The following BPTF variants were observed in gnomAD, a reference collection of about 807,000 sequenced individuals.
BPTF encodes bromodomain PHD finger transcription factor.
A neutral mutation model predicts 292.5 loss-of-function variants in BPTF; 18 were observed. The observed-to-expected ratio is 0.06, with a 90% CI of 0.04 to 0.09. The LOEUF is 0.09. Among genes scored for constraint, BPTF ranks in the 10% least tolerant of loss-of-function variants. BPTF has a pLI of 1.00. For synonymous variants in BPTF, 1,225 were observed against 1,251.9 expected (o/e 0.98, Z 0.45); for missense variants, 2,726 against 3,498.7 (o/e 0.78, Z 5.57).
rs1168044161 is a variant in BPTF, at chr17:67,983,850, A to G, written c.*1562A>G. On this transcript the variant is annotated 3_prime_UTR_variant, in exon 28 of 28. Coordinates refer to ENST00000306378, the MANE Select transcript of BPTF (RefSeq NM_182641.4). ...AACCTTTCCCAGACCTCAGTTTCTT[A>G]AAAGAAAGATGTTGCTACAGTTCCC... The G allele has an allele frequency of 1.3e-5, 2 of 152,638 alleles. No individual in the cohort carries two copies. Among genetic ancestry groups the G allele is most frequent in the Non-Finnish European group, 2.9e-5 (2 of 68,046 alleles). 9.5% of individuals were successfully genotyped at this position (152,638 alleles called of 1,614,324 possible). A position where few individuals can be genotyped will look rare whatever the true frequency, so the allele number is the denominator to read the frequency against.
intron 11 of BPTF, among the ~76,000 whole-genome samples, chr17:67,916,447 C>T (rs918340622): frequency 1.3e-5 from 2 of 151,854 alleles, no homozygotes; most frequent in East Asian, 1.9e-4. Context: ...AAAATGAGCC[C>T]GGCGTGGTGG....
At chr17:67,891,320 A>G (rs1224945866) in intron 4 of BPTF, 1 of 152,246 alleles carries the variant, frequency 6.6e-6, no homozygotes, top group African/African-American at 2.4e-5. Context: ...ATAAAAAACT[A>G]ATTTAGTTGA....
rs1467374757 is a variant in BPTF at position 67,928,361 on chromosome 17, C to G, written c.5758C>G (p.Leu1920Val). The G allele has an allele frequency of 6.9e-6, 11 of 1,603,952 alleles. No individual in the cohort carries two copies. The highest frequency in any genetic ancestry group is 9.4e-6 in the Non-Finnish European group (11 of 1,175,928). ...CTCTCCTTCACTTTTTTAGAAACGACTGGAGCAGCAGAAGCCGACAGTGAT... is the reference window on the plus strand; with the variant it reads ...CTCTCCTTCACTTTTTTAGAAACGAGTGGAGCAGCAGAAGCCGACAGTGAT... Reference protein sequence around the residue: ...QAVEQQAKKRLEQQKPTVIAT... With the variant: ...QAVEQQAKKRVEQQKPTVIAT... The change falls in exon 16 of 28, where the codon CTG becomes GTG. Residue 1920 changes from leucine to valine, a missense_variant. Leu to Val is a conservative substitution (Grantham distance 32). Around this residue, in one of 22 missense-constraint regions of BPTF, gnomAD observed 198 missense variants for 277.1 expected, o/e 0.71. Coordinates refer to ENST00000306378, the MANE Select transcript of BPTF (RefSeq NM_182641.4).
chr17:67,869,021 G>T (rs1598342063), intron 3 of BPTF, among the ~76,000 whole-genome samples: 1 of 152,012 alleles, frequency 6.6e-6, no homozygotes, highest in Non-Finnish European at 1.5e-5. Flanking sequence ...GTCTTTGGGG[G>T]ATAAGTAATT....
chr17:67,861,922 C>G (rs16961461), intron 2 of BPTF, among the ~76,000 whole-genome samples: 4,576 of 152,230 alleles, frequency 0.03, 248 homozygotes, highest in African/African-American at 0.1. Context: ...ACCCCTTTTT[C>G]TCTTGCATCG....
chr17:67,884,590 AT>A (rs1226407997), intron 4 of BPTF, among the ~76,000 whole-genome samples: 1 of 151,206 alleles, frequency 6.6e-6, no homozygotes, highest in African/African-American at 2.4e-5. Flanking sequence ...TAATTTTTGT[AT>A]TTTTCGTAGT....
At chr17:67,918,124 T>C (rs1294200778) in intron 11 of BPTF, among the ~76,000 whole-genome samples, 1 of 150,920 alleles carries the variant, frequency 6.6e-6, no homozygotes, top group Non-Finnish European at 1.5e-5. Context: ...TTAATAGAGA[T>C]GGGGTTTTGC....
chr17:67,917,038 G>A (rs1332910898), intron 11 of BPTF, among the ~76,000 whole-genome samples: 4 of 151,040 alleles, frequency 2.6e-5, no homozygotes, highest in Admixed American at 2.0e-4. Flanking sequence ...TTAAGAATGT[G>A]TAAAACGTTT....
At chr17:67,835,212 T>A (rs374907101) in intron 1 of BPTF, among the ~76,000 whole-genome samples, 1 of 150,564 alleles carries the variant, frequency 6.6e-6, no homozygotes, top group East Asian at 2.0e-4. Flanking sequence ...ACCCATCTCT[T>A]AAAAAAAAAA....
Position 67,945,976 on chromosome 17 carries a change from T to G in BPTF, c.7268T>G (p.Leu2423Arg). ...VTVSSPSRPQ[L>R]QIQQPQPQVI... ...GTTTCATCCCCATCCCGTCCTCAGC[T>G]ACAAATACAGCAGCCACAGCCCCAA... Residue 2423 changes from leucine to arginine, a missense_variant, in exon 21 of 28, where the codon CTA (leucine) becomes CGA (arginine). This residue lies in a region of BPTF where 570 missense variants were observed against 633.5 expected (regional missense o/e 0.90). Coordinates refer to ENST00000306378, the MANE Select transcript of BPTF (RefSeq NM_182641.4). 6.2e-7 allele frequency: 1 copy of G among 1,614,138 alleles called. No homozygotes were observed. Among genetic ancestry groups the G allele is most frequent in the Non-Finnish European group, 8.5e-7 (1 of 1,180,024 alleles).
intron 1 of BPTF, among the ~76,000 whole-genome samples, chr17:67,845,851 G>A (rs1207486168): frequency 1.3e-5 from 2 of 150,394 alleles, no homozygotes; most frequent in Non-Finnish European, 3.0e-5. Flanking sequence ...GAAAAACAGG[G>A]GATCTTTATG....
At chr17:67,968,506 C>T (rs1191070634) in intron 26 of BPTF, among the ~76,000 whole-genome samples, 8 of 151,360 alleles carry the variant, frequency 5.3e-5, no homozygotes, top group East Asian at 1.9e-4. Flanking sequence ...AGGTCAGGTG[C>T]GGTGGCTCAC....
chr17:67,840,088 T>C (rs182097279), intron 1 of BPTF, among the ~76,000 whole-genome samples: 2 of 148,854 alleles, frequency 1.3e-5, no homozygotes, highest in Non-Finnish European at 2.9e-5. Flanking sequence ...ATACCATTTT[T>C]TATGGAAAAA....
intron 1 of BPTF, among the ~76,000 whole-genome samples, chr17:67,851,997 G>A (rs537222179): frequency 9.8e-5 from 14 of 142,150 alleles, no homozygotes; most frequent in African/African-American, 3.5e-4. Flanking sequence ...AATTGATAAT[G>A]AGTGTAATGC....
chr17:67,963,264 A>G, intron 24 of BPTF: 1 of 1,408,562 alleles, frequency 7.1e-7, no homozygotes, highest in Non-Finnish European at 9.3e-7. Context: ...AAGGCAGGGA[A>G]GACAGATTTA....
intron 18 of BPTF, among the ~76,000 whole-genome samples, chr17:67,937,126 T>G (rs1054529781): frequency 1.3e-5 from 2 of 152,108 alleles, no homozygotes; most frequent in Non-Finnish European, 2.9e-5. Context: ...TACTGTATAA[T>G]AATGTATGAA....
At chr17:67,892,855 CTG>C (rs770661436) in intron 5 of BPTF, among the ~76,000 whole-genome samples, 52 of 152,272 alleles carry the variant, frequency 3.4e-4, no homozygotes, top group Non-Finnish European at 6.5e-4. Context: ...AATAAGGCCA[CTG>C]TTTATCTGAT....
At chr17:67,826,583 C>T (rs1047243622) in intron 1 of BPTF, among the ~76,000 whole-genome samples, 5 of 145,354 alleles carry the variant, frequency 3.4e-5, no homozygotes, top group Non-Finnish European at 7.6e-5. Flanking sequence ...CTCTCTCTCC[C>T]CCCCCCAACC....
intron 10 of BPTF, among the ~76,000 whole-genome samples, chr17:67,910,480 A>G (rs1173289212): frequency 2.0e-5 from 3 of 152,156 alleles, no homozygotes; most frequent in Non-Finnish European, 4.4e-5. Flanking sequence ...TAAGCTAGAT[A>G]ATGCATGTGG....
Sources: gnomAD v4.1 joint callset for allele counts (sites outside exome capture counted in the v4.1 genomes callset) on GRCh38, gnomAD v4.1.1 for gene constraint, gnomAD v4.1.1 regional missense constraint, MANE v1.5 for transcripts, NCBI Gene and HGNC (gene_info 2026-07-23, HGNC 2026-07-21) for gene names.